Variants in SLC39A11 observed in about 807,000 individuals in gnomAD.
SLC39A11 encodes zinc transporter ZIP11.
A neutral mutation model predicts 36.1 loss-of-function variants in SLC39A11; 33 were observed. The ratio of observed to expected loss-of-function variants is 0.91; its 90% CI spans 0.69 to 1.22. The LOEUF (loss-of-function observed/expected upper bound fraction) is 1.22. SLC39A11 is among the 50% of genes most tolerant of loss of function. The pLI is 0.00. For missense variants in SLC39A11, 432 were observed against 430.3 expected, an observed-to-expected ratio of 1.00 and a Z score of -0.03; for synonymous variants, 166 against 170.3, an observed-to-expected ratio of 0.97 and a Z score of 0.20.
chr17:72,664,491 G>T (rs2070637120), intron 7 of SLC39A11, among the ~76,000 whole-genome samples: 1 of 152,148 alleles, frequency 6.6e-6, no homozygotes, highest in Non-Finnish European at 1.5e-5. Flanking sequence ...CAGAGGCGGG[G>T]ATCTACCTTT....
intron 4 of SLC39A11, among the ~76,000 whole-genome samples, chr17:72,994,915 A>C (rs187552901): frequency 2.2e-4 from 34 of 152,284 alleles, no homozygotes; most frequent in African/African-American, 8.2e-4. Flanking sequence ...TTACCCGACA[A>C]AGCATGGTGC....
At chr17:72,741,238 T>A (rs989514876) in intron 6 of SLC39A11, among the ~76,000 whole-genome samples, 1 of 151,856 alleles carries the variant, frequency 6.6e-6, no homozygotes, top group Non-Finnish European at 1.5e-5. Flanking sequence ...AAAAAGTTTT[T>A]CATAGAGATG....
intron 4 of SLC39A11, among the ~76,000 whole-genome samples, chr17:72,978,124 T>C (rs2087999992): frequency 6.6e-6 from 1 of 152,242 alleles, no homozygotes; most frequent in Non-Finnish European, 1.5e-5. Context: ...CTAGTGAGAA[T>C]CTGGGCTGTC....
intron 3 of SLC39A11, among the ~76,000 whole-genome samples, chr17:73,053,221 G>T (rs573094549): frequency 6.7e-6 from 1 of 148,638 alleles, no homozygotes; most frequent in Non-Finnish European, 1.5e-5. Context: ...ATTATGTATG[G>T]TATGAGCCCA....
chr17:72,974,786 C>T (rs1269907867), intron 4 of SLC39A11, among the ~76,000 whole-genome samples: 6 of 152,226 alleles, frequency 3.9e-5, no homozygotes, highest in Admixed American at 3.9e-4. Flanking sequence ...CAACTTCCAG[C>T]CCTGCAAGCT....
At chr17:72,754,877 G>A (rs534579495) in intron 6 of SLC39A11, among the ~76,000 whole-genome samples, 3 of 152,350 alleles carry the variant, frequency 2.0e-5, no homozygotes, top group African/African-American at 7.2e-5. Flanking sequence ...GAGTGTGCAT[G>A]CACATACACA....
chr17:72,991,249 T>C (rs1472103536), intron 4 of SLC39A11, among the ~76,000 whole-genome samples: 1 of 152,246 alleles, frequency 6.6e-6, no homozygotes, highest in Admixed American at 6.5e-5. Context: ...AATATATTTT[T>C]ATATGTCTAC....
chr17:72,828,706 G>A (rs138081484), intron 6 of SLC39A11, among the ~76,000 whole-genome samples: 250 of 152,308 alleles, frequency 1.6e-3, no homozygotes, highest in African/African-American at 5.8e-3. Context: ...AGGTGGACAC[G>A]CTGCAAGGTG....
At chr17:72,685,107 C>A (rs1487518069) in intron 7 of SLC39A11, among the ~76,000 whole-genome samples, 1 of 152,174 alleles carries the variant, frequency 6.6e-6, no homozygotes, top group African/African-American at 2.4e-5. Context: ...ATTAAGCATT[C>A]CTACATGCCA....
intron 4 of SLC39A11, among the ~76,000 whole-genome samples, chr17:73,028,500 G>A (rs1365676213): frequency 6.6e-6 from 1 of 152,192 alleles, no homozygotes; most frequent in Non-Finnish European, 1.5e-5. Flanking sequence ...TTCACTGACT[G>A]TAGCAATCAT....
intron 2 of SLC39A11, 127 bp from the exon 3 acceptor site, chr17:73,084,973 G>A (rs993955373): frequency 2.5e-5 from 24 of 944,566 alleles, no homozygotes; most frequent in Admixed American, 5.9e-5. Flanking sequence ...GAGCTCGTGA[G>A]CTACTCAGTT....
At chr17:72,664,590 A>G (rs1314074404) in intron 7 of SLC39A11, among the ~76,000 whole-genome samples, 2 of 152,186 alleles carry the variant, frequency 1.3e-5, no homozygotes, top group Non-Finnish European at 2.9e-5. Context: ...GGCTACAGTA[A>G]CAGCCTCCTA....
At chr17:72,672,962 T>C (rs1000149905) in intron 7 of SLC39A11, among the ~76,000 whole-genome samples, 1 of 152,106 alleles carries the variant, frequency 6.6e-6, no homozygotes, top group Admixed American at 6.6e-5. Flanking sequence ...TTACATATTA[T>C]CTGTGGCCGT....
chr17:72,666,793 G>A (rs766612029), intron 7 of SLC39A11, among the ~76,000 whole-genome samples: 2 of 152,168 alleles, frequency 1.3e-5, no homozygotes, highest in African/African-American at 2.4e-5. Context: ...CCTTCCCTCC[G>A]TGGCTGAGAA....
chr17:72,651,020 A>G (rs4793470), intron 7 of SLC39A11, among the ~76,000 whole-genome samples: 20,270 of 151,218 alleles, frequency 0.13, 1,660 homozygotes, highest in Middle Eastern at 0.19. Flanking sequence ...TTATCCCCCA[A>G]CTCCTGCACA....
intron 7 of SLC39A11, among the ~76,000 whole-genome samples, chr17:72,731,734 T>TTTGC (rs990196267): frequency 6.8e-6 from 1 of 147,902 alleles, no homozygotes; most frequent in Non-Finnish European, 1.5e-5. Context: ...TGTTTGTTTG[T>TTTGC]TTGTTTGTTT....
intron 4 of SLC39A11, 125 bp downstream of exon 4, chr17:73,031,431 T>C (rs2058735184): frequency 9.6e-7 from 1 of 1,038,312 alleles, no homozygotes; most frequent in South Asian, 1.7e-5. Flanking sequence ...CCTTGTTCTC[T>C]GTTTAAATAC....
At chr17:72,806,863 G>T (rs1485290154) in intron 6 of SLC39A11, among the ~76,000 whole-genome samples, 1 of 152,208 alleles carries the variant, frequency 6.6e-6, no homozygotes, top group Non-Finnish European at 1.5e-5. Context: ...GATTACAGGC[G>T]TGAGCCACCG....
intron 4 of SLC39A11, among the ~76,000 whole-genome samples, chr17:73,024,953 T>A (rs555584310): frequency 6.9e-6 from 1 of 144,290 alleles, no homozygotes; most frequent in South Asian, 2.3e-4. Context: ...TGACCTCAAC[T>A]GATCCACCCA....
Sources: allele counts gnomAD v4.1 joint callset (sites outside exome capture counted in the v4.1 genomes callset), GRCh38; gene constraint gnomAD v4.1.1; transcripts MANE v1.5; gene names NCBI Gene and HGNC (gene_info 2026-07-23, HGNC 2026-07-21).